SPEN: variants seen among roughly 807,000 people sequenced by gnomAD.
SPEN encodes msx2-interacting protein.
Under a neutral mutation model 269.9 loss-of-function variants are expected in SPEN, and 18 were observed. The ratio of observed to expected loss-of-function variants is 0.07; its 90% confidence interval spans 0.05 to 0.10. SPEN has a LOEUF of 0.10. Ranked by LOEUF, SPEN falls within the 10% of genes least tolerant of loss-of-function variation. SPEN has a pLI of 1.00. For missense variants in SPEN, 3,822 were observed against 4,631.2 expected (o/e 0.83, Z 5.07); for synonymous variants, 1,726 against 1,765.7 (o/e 0.98, Z 0.56).
intron 1 of SPEN, among the ~76,000 whole-genome samples, chr1:15,851,264 T>G (rs2070332531): frequency 6.6e-6 from 1 of 152,206 alleles, no homozygotes; most frequent in Non-Finnish European, 1.5e-5. Context: ...ATCAGAACAT[T>G]TACAAAAATT....
intron 8 of SPEN, among the ~76,000 whole-genome samples, chr1:15,920,146 T>C (rs2071104720): frequency 1.3e-5 from 2 of 152,116 alleles, no homozygotes; most frequent in Admixed American, 1.3e-4. Flanking sequence ...CTCAGCTCAC[T>C]GCAACCTCCG....
At chr1:15,905,044 A>G (rs2070942141) in intron 3 of SPEN, among the ~76,000 whole-genome samples, 1 of 150,544 alleles carries the variant, frequency 6.6e-6, no homozygotes, top group Non-Finnish European at 1.5e-5. Flanking sequence ...ACACACCACC[A>G]CACCTGGCTA....
chr1:15,938,643 T>C, intron 13 of SPEN, 75 bp from the exon 14 acceptor site: 2 of 1,426,210 alleles, frequency 1.4e-6, no homozygotes, highest in Non-Finnish European at 1.9e-6. Context: ...TTTGTGGACC[T>C]GATACTGTGG....
At chr1:15,878,998 CTG>C (rs1158097412) in intron 3 of SPEN, among the ~76,000 whole-genome samples, 2 of 73,292 alleles carry the variant, frequency 2.7e-5, no homozygotes, top group African/African-American at 1.2e-4. Context: ...TGATGAGACT[CTG>C]TCTCAAAAAA....
rs757998937 is a variant in SPEN at position 15,935,501 on chromosome 1, T to A, written c.9261T>A (p.Thr3087=). The A allele has an allele frequency of 1.9e-6, 3 of 1,613,984 alleles. No individual in the cohort carries two copies. Among genetic ancestry groups the A allele is most frequent in the Non-Finnish European group, 2.5e-6 (3 of 1,179,994 alleles). Residue 3087 remains threonine (T), a synonymous_variant, in exon 11 of 15, where the codon ACT becomes ACA. Coordinates refer to ENST00000375759, the MANE Select transcript of SPEN (RefSeq NM_015001.3). This position sits in a 1 kb window ranked among gnomAD's most constrained non-coding sequence, Gnocchi z 7.7. ...TGCCACCCCACAGCATCACCCAGAC[T>A]GTGTCCCTGAGCCACCTCTCCCAGG... ...VIMPPHSITQ[T]VSLSHLSQGE...
At chr1:15,906,231 A>G (rs141524412) in intron 3 of SPEN, among the ~76,000 whole-genome samples, 12 of 152,258 alleles carry the variant, frequency 7.9e-5, no homozygotes, top group Non-Finnish European at 1.0e-4. Flanking sequence ...TACTTGTAAC[A>G]CTGCTTTTGC....
chr1:15,861,225 G>C (rs554269624), intron 1 of SPEN, among the ~76,000 whole-genome samples: 3 of 149,716 alleles, frequency 2.0e-5, no homozygotes, highest in Non-Finnish European at 4.4e-5. Context: ...TCCACCTCCC[G>C]GGTTCAAGCG....
In SPEN at chr1:15,933,998, A is replaced by G. The variant is rs932892828; in HGVS notation, c.7758A>G (p.Thr2586=). 1 of 1,614,050 alleles carries G rather than the reference A, an allele frequency of 6.2e-7. No homozygotes were observed. ...VDSKKPLEEK[T]APPVTNNSEI... is the part of the protein sequence containing the mutation. ...CTAAAAAGCCTTTAGAAGAAAAAACAGCACCTCCAGTGACAAACAACTCTG... is the reference window on the plus strand; with the variant it reads ...CTAAAAAGCCTTTAGAAGAAAAAACGGCACCTCCAGTGACAAACAACTCTG... Residue 2586 remains threonine, a synonymous_variant, in exon 11 of 15, where the codon ACA becomes ACG. Transcript: ENST00000375759. The surrounding 1 kb of genome is among the most constrained non-coding windows in gnomAD (Gnocchi z 5.7).
At chr1:15,909,599 T>G in intron 4 of SPEN, 118 bp downstream of exon 4, 2 of 1,067,196 alleles carry the variant, frequency 1.9e-6, no homozygotes, top group Non-Finnish European at 2.7e-6. Context: ...CATTTCGAAA[T>G]ATTAACGTTT....
intron 1 of SPEN, among the ~76,000 whole-genome samples, chr1:15,850,888 C>G (rs947045846): frequency 6.6e-6 from 1 of 152,190 alleles, no homozygotes; most frequent in Non-Finnish European, 1.5e-5. Context: ...AGTGCCTACT[C>G]TTATCCTTTT....
rs1200504436 is a variant in SPEN at position 15,873,019 on chromosome 1, C to G, written c.287C>G (p.Ser96Cys). The change falls in exon 2 of 15, where the codon TCC becomes TGC. Residue 96 changes from serine (S) to cysteine (C), a missense_variant. Physicochemically the swap from Ser to Cys is moderately radical, Grantham distance 112. Around this residue, in one of 16 missense-constraint regions of SPEN, gnomAD observed 327 missense variants for 350.8 expected, o/e 0.93. Coordinates refer to ENST00000375759, the MANE Select transcript of SPEN (RefSeq NM_015001.3). ...GCTCGGGGATTGGATGATACAGTTT[C>G]CATAGCATCTCGTAGTAGAGAGGTT... is the stretch of plus-strand genomic sequence containing the variant. The part of the protein sequence containing the change: ...SAARGLDDTV[S>C]IASRSREVSG... 1 of 1,614,112 alleles carries G rather than the reference C, an allele frequency of 6.2e-7. No homozygotes were observed. The highest frequency in any genetic ancestry group is 8.5e-7 in the Non-Finnish European group (1 of 1,180,034).
At chr1:15,860,536 C>T (rs954017208) in intron 1 of SPEN, among the ~76,000 whole-genome samples, 11 of 151,312 alleles carry the variant, frequency 7.3e-5, no homozygotes, top group African/African-American at 2.7e-4. Context: ...AGGATATCCT[C>T]CCGCCTCAGC....
chr1:15,931,769 G>C lies in SPEN; in HGVS notation c.5529G>C (p.Lys1843Asn). ...TCGTGGAGAAGCCCGTCACAAGGAA[G>C]AGTGAGAGGATAGACCGGGAAAAAC... ...VSIVEKPVTR[K>N]SERIDREKLK... Residue 1843 changes from lysine to asparagine, a missense_variant, in exon 11 of 15, where the codon AAG (lysine) becomes AAC (asparagine). Transcript: ENST00000375759. The surrounding 1 kb of genome is among the most constrained non-coding windows in gnomAD (Gnocchi z 4.8). 6.2e-7 allele frequency: 1 copy of C among 1,614,202 alleles called. No homozygotes were observed. Among genetic ancestry groups the C allele is most frequent in the Non-Finnish European group, 8.5e-7 (1 of 1,180,014 alleles).
chr1:15,931,744 T>C lies in SPEN; in HGVS notation c.5504T>C (p.Ile1835Thr), dbSNP rs1281377766. The C allele has an allele frequency of 3.1e-6, 5 of 1,614,046 alleles. No homozygotes were observed. Among genetic ancestry groups the C allele is most frequent in the Non-Finnish European group, 4.2e-6 (5 of 1,179,978 alleles). The change falls in exon 11 of 15, where the codon ATC becomes ACC. Residue 1835 changes from isoleucine to threonine, a missense_variant. Around this residue, in one of 16 missense-constraint regions of SPEN, gnomAD observed 533 missense variants for 618.8 expected, o/e 0.86. Coordinates refer to ENST00000375759, the MANE Select transcript of SPEN (RefSeq NM_015001.3). The surrounding 1 kb of genome is among the most constrained non-coding windows in gnomAD (Gnocchi z 4.8). ...CCTGTTCAGGCAGCTGCAGTGAGTA[T>C]CGTGGAGAAGCCCGTCACAAGGAAG... is the stretch of plus-strand genomic sequence containing the variant. ...KTPVQAAAVSIVEKPVTRKSE... is the reference protein window; with the variant it reads ...KTPVQAAAVSTVEKPVTRKSE...
chr1:15,928,402 C>A lies in SPEN; in HGVS notation c.2162C>A (p.Pro721Gln), dbSNP rs777199627. 2.2e-5 allele frequency: 35 copies of A among 1,613,878 alleles called. No individual in the cohort carries two copies. The highest frequency in any genetic ancestry group is 2.9e-5 in the Non-Finnish European group (34 of 1,180,004). ...CGGGACAGAGACCATGAGAGGAGGC[C>A]GATTGAACGAAGTCAAAGTCCTGTT... ...SDRDRDHERR[P>Q]IERSQSPVHL... Residue 721 changes from proline to glutamine, a missense_variant, in exon 11 of 15, where the codon CCG (proline) becomes CAG (glutamine). This residue lies in a region of SPEN where 572 missense variants were observed against 582.6 expected (regional missense o/e 0.98). Coordinates refer to ENST00000375759, the MANE Select transcript of SPEN (RefSeq NM_015001.3). The surrounding 1 kb of genome is among the most constrained non-coding windows in gnomAD (Gnocchi z 5.7).
chr1:15,852,030 C>A (rs1225217320), intron 1 of SPEN, among the ~76,000 whole-genome samples: 1 of 152,086 alleles, frequency 6.6e-6, no homozygotes, highest in Non-Finnish European at 1.5e-5. Flanking sequence ...TTTGTTTTTG[C>A]TGATTTAAAA....
rs368811997 is a variant in SPEN, at chr1:15,931,886, C to G, written c.5646C>G (p.Asn1882Lys). The change falls in exon 11 of 15, where the codon AAC (asparagine) becomes AAG (lysine). Residue 1882 changes from asparagine (N) to lysine (K), a missense_variant. Physicochemically the swap from Asn to Lys is moderately conservative, Grantham distance 94. Transcript: ENST00000375759. The surrounding 1 kb of genome is among the most constrained non-coding windows in gnomAD (Gnocchi z 4.8). Reference sequence around the variant, plus strand: ...AGATTACAAGGACTGCTTCTAAAAACTCTGCTGCAGACCTTGAACATCCCG... The same window carrying G: ...AGATTACAAGGACTGCTTCTAAAAAGTCTGCTGCAGACCTTGAACATCCCG... ...AEKITRTASK[N>K]SAADLEHPEP... 76 of 1,614,122 alleles carry G rather than the reference C, an allele frequency of 4.7e-5. No homozygotes were observed. The highest frequency in any genetic ancestry group is 5.7e-5 in the Non-Finnish European group (67 of 1,180,056).
chr1:15,876,280 G>A lies in SPEN; in HGVS notation c.483G>A (p.Arg161=). ...HHERGTGGFD[R]TRHYDQDYYR... is the part of the protein sequence containing the mutation. ...AACGGGGGACGGGAGGATTTGATCG[G>A]ACAAGACATTACGATCAGGATTACT... The change falls in exon 3 of 15, where the codon CGG becomes CGA. Residue 161 remains arginine, a synonymous_variant. Transcript: ENST00000375759. The A allele has an allele frequency of 6.2e-7, 1 of 1,614,026 alleles. No homozygotes were observed.
At chr1:15,921,419 A>G (rs560972891) in intron 9 of SPEN, among the ~76,000 whole-genome samples, 13 of 152,340 alleles carry the variant, frequency 8.5e-5, no homozygotes, top group African/African-American at 3.1e-4. Context: ...CTGTATCATT[A>G]GTGTTTAAGG....
Sources: gnomAD v4.1 joint callset for allele counts (sites outside exome capture counted in the v4.1 genomes callset) on GRCh38, gnomAD v4.1.1 for gene constraint, gnomAD v4.1.1 regional missense constraint, Gnocchi (gnomAD v3.1) non-coding constraint, MANE v1.5 for transcripts, NCBI Gene and HGNC (gene_info 2026-07-23, HGNC 2026-07-21) for gene names.